CNTNAP2: variants seen among roughly 807,000 people sequenced by gnomAD.
The protein encoded by CNTNAP2 is contactin-associated protein-like 2.
In CNTNAP2, 98 loss-of-function variants were observed where a neutral mutation model predicts 155.2. The ratio of observed to expected loss-of-function variants is 0.63; its 90% CI spans 0.54 to 0.75. The LOEUF is 0.75. Among genes scored for constraint, CNTNAP2 ranks in the 30% least tolerant of loss-of-function variants. The pLI, the probability that CNTNAP2 is intolerant of heterozygous loss-of-function variation, is 0.00. For synonymous variants in CNTNAP2, 651 were observed against 631.2 expected, an observed-to-expected ratio of 1.03 and a Z score of -0.47; for missense variants, 1,727 against 1,688.1, an observed-to-expected ratio of 1.02 and a Z score of -0.40.
At chr7:146,843,428 C>CA (rs1336581689) in intron 3 of CNTNAP2, among the ~76,000 whole-genome samples, 1 of 152,098 alleles carries the variant, frequency 6.6e-6, no homozygotes, top group Non-Finnish European at 1.5e-5. Flanking sequence ...CCTCTTCCAA[C>CA]ACTGGGGATT....
At chr7:146,861,071 T>G (rs1167707488) in intron 3 of CNTNAP2, among the ~76,000 whole-genome samples, 1 of 152,180 alleles carries the variant, frequency 6.6e-6, no homozygotes, top group East Asian at 1.9e-4. Context: ...TTTGGTTTTT[T>G]GTTTTTTGAG....
At chr7:146,705,212 T>C (rs1800942478) in intron 1 of CNTNAP2, among the ~76,000 whole-genome samples, 1 of 152,124 alleles carries the variant, frequency 6.6e-6, no homozygotes, top group Non-Finnish European at 1.5e-5. Flanking sequence ...TCAGTTTGAA[T>C]AGGGCAGACT....
chr7:147,790,627 T>C (rs2116572151), intron 13 of CNTNAP2, among the ~76,000 whole-genome samples: 1 of 152,372 alleles, frequency 6.6e-6, no homozygotes, highest in Non-Finnish European at 1.5e-5. Context: ...ATTTCACAGT[T>C]GTTTAGATGC....
At chr7:146,507,257 T>A (rs891650183) in intron 1 of CNTNAP2, among the ~76,000 whole-genome samples, 18 of 152,152 alleles carry the variant, frequency 1.2e-4, no homozygotes, top group African/African-American at 4.3e-4. Context: ...AGAGCTCACC[T>A]CCATTCCAAA....
At chr7:147,264,685 C>T (rs1804567973) in intron 8 of CNTNAP2, among the ~76,000 whole-genome samples, 2 of 151,224 alleles carry the variant, frequency 1.3e-5, no homozygotes, top group African/African-American at 4.8e-5. Flanking sequence ...CTGTTAAGAA[C>T]CTTTATACCA....
intron 1 of CNTNAP2, among the ~76,000 whole-genome samples, chr7:146,509,979 A>G (rs1003172973): frequency 4.6e-5 from 7 of 152,218 alleles, no homozygotes; most frequent in African/African-American, 1.7e-4. Flanking sequence ...TTGGGGCCAC[A>G]CGGCTGACCT....
chr7:148,308,712 C>T (rs1199491600), intron 21 of CNTNAP2, among the ~76,000 whole-genome samples: 2 of 151,956 alleles, frequency 1.3e-5, no homozygotes, highest in Non-Finnish European at 1.5e-5. Context: ...TCTCCTAATG[C>T]TATCCCTCCC....
chr7:147,799,539 T>C (rs1007569629), intron 13 of CNTNAP2, among the ~76,000 whole-genome samples: 8 of 152,104 alleles, frequency 5.3e-5, no homozygotes, highest in African/African-American at 1.9e-4. Flanking sequence ...AAAATGTATA[T>C]TAAATTTAAA....
intron 12 of CNTNAP2, among the ~76,000 whole-genome samples, chr7:147,628,715 G>T (rs1026463475): frequency 1.3e-5 from 2 of 151,958 alleles, no homozygotes; most frequent in African/African-American, 4.8e-5. Context: ...CAAAATATCT[G>T]CTGTCTTCAA....
chr7:147,034,591 T>C (rs1356782167), intron 3 of CNTNAP2, among the ~76,000 whole-genome samples: 1 of 152,208 alleles, frequency 6.6e-6, no homozygotes, highest in African/African-American at 2.4e-5. Context: ...TTCTGTACCC[T>C]GGGTTCTTGC....
At chr7:147,546,646 C>T (rs1003982288) in intron 11 of CNTNAP2, among the ~76,000 whole-genome samples, 12 of 152,062 alleles carry the variant, frequency 7.9e-5, no homozygotes, top group African/African-American at 2.7e-4. Context: ...TTTGTGTGAC[C>T]CCTTGGAGCT....
intron 8 of CNTNAP2, among the ~76,000 whole-genome samples, chr7:147,193,521 ACT>A (rs1802722375): frequency 6.6e-6 from 1 of 152,226 alleles, no homozygotes; most frequent in African/African-American, 2.4e-5. Context: ...ACAACAGATA[ACT>A]AAACTATTTA....
chr7:147,354,191 T>TC (rs1173215616), intron 9 of CNTNAP2, among the ~76,000 whole-genome samples: 1 of 152,178 alleles, frequency 6.6e-6, no homozygotes, highest in African/African-American at 2.4e-5. Context: ...GTTGGTGTTT[T>TC]GGTCATGAAG....
chr7:147,821,570 A>C (rs1798361095), intron 13 of CNTNAP2, among the ~76,000 whole-genome samples: 1 of 152,190 alleles, frequency 6.6e-6, no homozygotes, highest in Non-Finnish European at 1.5e-5. Flanking sequence ...TGTGAAATGG[A>C]AGTCCTGGAG....
chr7:146,572,779 TA>T (rs932093194), intron 1 of CNTNAP2, among the ~76,000 whole-genome samples: 13 of 152,168 alleles, frequency 8.5e-5, no homozygotes, highest in African/African-American at 3.1e-4. Context: ...CAAGATATAG[TA>T]CATTTGTTTT....
chr7:146,596,669 GT>G (rs1798866814), intron 1 of CNTNAP2, among the ~76,000 whole-genome samples: 1 of 143,656 alleles, frequency 7.0e-6, no homozygotes, highest in South Asian at 2.3e-4. Context: ...GTGAGCCATG[GT>G]GGTTTTATTC....
chr7:146,813,518 C>T (rs915074573), intron 2 of CNTNAP2, among the ~76,000 whole-genome samples: 1 of 152,156 alleles, frequency 6.6e-6, no homozygotes, highest in African/African-American at 2.4e-5. Flanking sequence ...GGTGTATTTA[C>T]CCAATGCCTG....
At chr7:146,450,541 C>T (rs996629515) in intron 1 of CNTNAP2, among the ~76,000 whole-genome samples, 2 of 152,056 alleles carry the variant, frequency 1.3e-5, no homozygotes, top group Non-Finnish European at 2.9e-5. Flanking sequence ...CCTTAAGATT[C>T]GAAACAGACT....
At chr7:147,675,319 C>T (rs1172148011) in intron 13 of CNTNAP2, among the ~76,000 whole-genome samples, 1 of 152,078 alleles carries the variant, frequency 6.6e-6, no homozygotes, top group East Asian at 1.9e-4. Context: ...TTAACTTAAA[C>T]ATATCTGCAA....
Sources: allele counts gnomAD v4.1 joint callset (sites outside exome capture counted in the v4.1 genomes callset), GRCh38; gene constraint gnomAD v4.1.1; transcripts MANE v1.5; gene names NCBI Gene and HGNC (gene_info 2026-07-23, HGNC 2026-07-21).